The following STPG4 variants were observed in gnomAD, a reference collection of about 807,000 sequenced individuals.
STPG4 encodes the protein protein STPG4.
Under a neutral mutation model 31.5 loss-of-function variants are expected in STPG4, and 41 were observed. The observed-to-expected ratio is 1.30, with a 90% CI of 1.01 to 1.69. The LOEUF is 1.69. Ranked by LOEUF, STPG4 falls within the 40% of genes most tolerant of loss-of-function variation. The pLI, the probability that STPG4 is intolerant of heterozygous loss-of-function variation, is 0.00. For synonymous variants in STPG4, 141 were observed against 103.0 expected (o/e 1.37, Z -2.24); for missense variants, 375 against 293.4 (o/e 1.28, Z -2.03).
In STPG4 at chr2:47,090,487, C is replaced by T. The variant is rs1182574735; in HGVS notation, c.520-113G>A. On this transcript the variant is annotated intron_variant, in intron 5 of 6. Transcript: ENST00000445927. Reference sequence around the variant, plus strand: ...AATCACTGTGATATAGTAGAAAAATCCCATATTTGGTCTCGAGAGATCTCT... The same window carrying T: ...AATCACTGTGATATAGTAGAAAAATTCCATATTTGGTCTCGAGAGATCTCT... The T allele has an allele frequency of 5.5e-6, 4 of 725,084 alleles. No homozygotes were observed. The East Asian group carries it at 8.2e-5, about 15-fold the overall frequency. 44.9% of individuals were successfully genotyped at this position (725,084 alleles called of 1,614,324 possible).
chr2:47,091,085 G>C (rs886456096), intron 5 of STPG4, among the ~76,000 whole-genome samples: 2 of 141,162 alleles, frequency 1.4e-5, no homozygotes, highest in Non-Finnish European at 3.1e-5. Flanking sequence ...AATTAAAACA[G>C]GTTAAGAAAG....
intron 3 of STPG4, among the ~76,000 whole-genome samples, chr2:47,145,636 C>A (rs1686806577): frequency 6.6e-6 from 1 of 152,106 alleles, no homozygotes; most frequent in South Asian, 2.1e-4. Context: ...CATAAGAAAA[C>A]AAAATGAGTA....
rs569412121 is a variant in STPG4 at position 47,099,790 on chromosome 2, C to T, written c.520-9416G>A. On this transcript the variant is annotated intron_variant, in intron 5 of 6. Transcript: ENST00000445927. Reference sequence around the variant, plus strand: ...GGCGCTTGCGGGCCAGCTGGAGTTCCGGGTGGGCATGGGCTTGGTGGGCCC... The same window carrying T: ...GGCGCTTGCGGGCCAGCTGGAGTTCTGGGTGGGCATGGGCTTGGTGGGCCC... Among the ~76,000 whole-genome samples, 8 of 152,378 alleles carry T rather than the reference C, an allele frequency of 5.3e-5. No homozygotes were observed. In the South Asian group the frequency reaches 6.2e-4, roughly 12 times the overall value.
intron 3 of STPG4, among the ~76,000 whole-genome samples, chr2:47,149,151 C>T (rs1433663951): frequency 1.3e-5 from 2 of 152,040 alleles, no homozygotes; most frequent in Non-Finnish European, 2.9e-5. Flanking sequence ...TGAATTTTTC[C>T]AGTTTCTAGA....
chr2:47,093,568 G>C (rs1293543158), intron 5 of STPG4, among the ~76,000 whole-genome samples: 1 of 152,162 alleles, frequency 6.6e-6, no homozygotes, highest in Admixed American at 6.5e-5. Context: ...TGGCTAAGGA[G>C]CGACCTGCCC....
chr2:47,087,520 G>C (rs1055441837), intron 6 of STPG4, among the ~76,000 whole-genome samples: 1 of 152,220 alleles, frequency 6.6e-6, no homozygotes, highest in African/African-American at 2.4e-5. Context: ...CTAGCAAGAA[G>C]TGAGTGAAGA....
chr2:47,131,821 G>T (rs1686489856), intron 3 of STPG4, among the ~76,000 whole-genome samples: 1 of 152,154 alleles, frequency 6.6e-6, no homozygotes, highest in African/African-American at 2.4e-5. Flanking sequence ...TGGCTCCATT[G>T]CCCCTGGGTC....
chr2:47,115,502 C>G (rs1686129423), intron 5 of STPG4, among the ~76,000 whole-genome samples: 1 of 152,094 alleles, frequency 6.6e-6, no homozygotes, highest in Admixed American at 6.6e-5. Context: ...ATATAGAATC[C>G]TAAGTTGAAA....
chr2:47,125,064 GTCT>G (rs1686339749), intron 5 of STPG4, among the ~76,000 whole-genome samples: 1 of 152,160 alleles, frequency 6.6e-6, no homozygotes, highest in African/African-American at 2.4e-5. Flanking sequence ...CCATTTGTAT[GTCT>G]TCTTTTGAGA....
intron 3 of STPG4, among the ~76,000 whole-genome samples, chr2:47,141,577 G>A (rs1434829872): frequency 6.6e-6 from 1 of 150,398 alleles, no homozygotes; most frequent in Non-Finnish European, 1.5e-5. Context: ...AAAAAAATCT[G>A]CTAAATAAGC....
At chr2:47,091,939 T>G (rs1274224427) in intron 5 of STPG4, among the ~76,000 whole-genome samples, 1 of 150,878 alleles carries the variant, frequency 6.6e-6, no homozygotes, top group African/African-American at 2.4e-5. Context: ...ATTACAACGC[T>G]TCCATCCAGC....
chr2:47,107,129 A>C (rs1230103658), intron 5 of STPG4, among the ~76,000 whole-genome samples: 1 of 151,982 alleles, frequency 6.6e-6, no homozygotes, highest in African/African-American at 2.4e-5. Flanking sequence ...CAGTCCTCAG[A>C]GCTCTCTCTC....
intron 5 of STPG4, among the ~76,000 whole-genome samples, chr2:47,110,798 T>C (rs1462228095): frequency 6.6e-6 from 1 of 152,244 alleles, no homozygotes; most frequent in African/African-American, 2.4e-5. Flanking sequence ...CATTAGATCA[T>C]AAACATTTCT....
At chr2:47,126,074 G>T (rs1686359782) in intron 5 of STPG4, among the ~76,000 whole-genome samples, 1 of 152,038 alleles carries the variant, frequency 6.6e-6, no homozygotes, top group South Asian at 2.1e-4. Flanking sequence ...CTGTTCCATT[G>T]GTCTCTATGT....
chr2:47,099,858 G>A (rs1685753994), intron 5 of STPG4, among the ~76,000 whole-genome samples: 1 of 152,224 alleles, frequency 6.6e-6, no homozygotes, highest in South Asian at 2.1e-4. Context: ...CCCGGGCAAT[G>A]AGGGGCTTAG....
chr2:47,127,978 G>T (rs1686397820), intron 5 of STPG4, among the ~76,000 whole-genome samples: 1 of 152,134 alleles, frequency 6.6e-6, no homozygotes, highest in Non-Finnish European at 1.5e-5. Context: ...TGTCCTTCTT[G>T]GGAAGGCTCT....
intron 3 of STPG4, among the ~76,000 whole-genome samples, chr2:47,150,438 C>A (rs1206257286): frequency 6.6e-6 from 1 of 152,036 alleles, no homozygotes; most frequent in East Asian, 1.9e-4. Flanking sequence ...ATCAATGCTA[C>A]AAATGAACTG....
chr2:47,146,417 A>T (rs1395552783), intron 3 of STPG4, among the ~76,000 whole-genome samples: 2 of 152,128 alleles, frequency 1.3e-5, no homozygotes. Flanking sequence ...CCAGGATTAG[A>T]CATACAGATG....
chr2:47,103,145 T>C (rs953276338), intron 5 of STPG4, among the ~76,000 whole-genome samples: 1 of 151,918 alleles, frequency 6.6e-6, no homozygotes, highest in Non-Finnish European at 1.5e-5. Flanking sequence ...TCATGGGGAC[T>C]GGAGTCGTAA....
Sources: allele counts gnomAD v4.1 joint callset (sites outside exome capture counted in the v4.1 genomes callset), GRCh38; gene constraint gnomAD v4.1.1; transcripts MANE v1.5; gene names NCBI Gene and HGNC (gene_info 2026-07-23, HGNC 2026-07-21).